MYOZ2: variants seen among roughly 807,000 people sequenced by gnomAD.
The protein encoded by MYOZ2 is myozenin-2.
MYOZ2 carries 19 observed loss-of-function variants against 25.4 expected under a neutral mutation model. That is an observed-to-expected ratio of 0.75 (90% confidence interval 0.52 to 1.10). MYOZ2 has a LOEUF of 1.10. MYOZ2 is among the 50% of genes least tolerant of loss of function. The pLI is 0.00. For missense variants in MYOZ2, 270 were observed against 317.9 expected, an observed-to-expected ratio of 0.85 and a Z score of 1.15; for synonymous variants, 92 against 106.9, an observed-to-expected ratio of 0.86 and a Z score of 0.86.
rs11559058 is a variant in MYOZ2 at position 119,135,910 on chromosome 4, A to G, written c.-87A>G. On this transcript the variant is annotated 5_prime_UTR_variant, in exon 1 of 6. Transcript: ENST00000307128. ...AAACCATCAGGCCCAAGTGCCATCC[A>G]TAGTCCATCTCCAGAGTCTTCCTCC... 1,524 of 160,594 alleles carry G rather than the reference A, an allele frequency of 9.5e-3. 12 individuals are homozygous for G. The highest frequency in any genetic ancestry group is 0.031 in the South Asian group (168 of 5,490). The allele number at this position is 160,594 out of a possible 1,614,324, so 9.9% of individuals were successfully genotyped here.
At chr4:119,150,095 T>C (rs1741412704) in intron 2 of MYOZ2, among the ~76,000 whole-genome samples, 1 of 152,178 alleles carries the variant, frequency 6.6e-6, no homozygotes, top group South Asian at 2.1e-4. Flanking sequence ...TGTATCTCTT[T>C]TGGATTTTGG....
intron 3 of MYOZ2, among the ~76,000 whole-genome samples, chr4:119,151,844 A>T (rs193190461): frequency 6.6e-6 from 1 of 152,156 alleles, no homozygotes; most frequent in Admixed American, 6.5e-5. Context: ...TCCTAGAGCT[A>T]TGAAAGATTT....
At chr4:119,151,453 A>T (rs1185212403) in intron 3 of MYOZ2, among the ~76,000 whole-genome samples, 1 of 152,166 alleles carries the variant, frequency 6.6e-6, no homozygotes, top group Non-Finnish European at 1.5e-5. Flanking sequence ...TGGAACTGAA[A>T]CATGCCTGGG....
chr4:119,148,072 G>A (rs913058540), intron 2 of MYOZ2, among the ~76,000 whole-genome samples: 5 of 152,128 alleles, frequency 3.3e-5, no homozygotes, highest in Non-Finnish European at 5.9e-5. Flanking sequence ...ATCTGAGGAT[G>A]TCTCAAGTTC....
At chr4:119,137,010 T>A (rs1741044112) in intron 2 of MYOZ2, among the ~76,000 whole-genome samples, 1 of 152,132 alleles carries the variant, frequency 6.6e-6, no homozygotes, top group Non-Finnish European at 1.5e-5. Context: ...CAAAATAAGT[T>A]CTATCATCTT....
chr4:119,159,465 G>C (rs985854982), intron 4 of MYOZ2, among the ~76,000 whole-genome samples: 1 of 152,044 alleles, frequency 6.6e-6, no homozygotes, highest in Non-Finnish European at 1.5e-5. Context: ...TCAGTTTATA[G>C]TCTTTATAAA....
intron 5 of MYOZ2, among the ~76,000 whole-genome samples, chr4:119,168,548 T>A (rs778279857): frequency 1.3e-5 from 2 of 152,082 alleles, no homozygotes; most frequent in African/African-American, 2.4e-5. Flanking sequence ...CCAACTCTCA[T>A]GGTTAACTTT....
intron 2 of MYOZ2, among the ~76,000 whole-genome samples, chr4:119,148,769 C>CAA (rs372182068): frequency 0.019 from 1,499 of 77,290 alleles, 58 homozygotes; most frequent in African/African-American, 0.067. Context: ...GAGTCATTGG[C>CAA]AAAAAAAAAA....
intron 5 of MYOZ2, among the ~76,000 whole-genome samples, chr4:119,171,875 A>G (rs1429163033): frequency 6.6e-6 from 1 of 151,976 alleles, no homozygotes; most frequent in Admixed American, 6.6e-5. Context: ...AGAGACAAAG[A>G]GAAAGAAGCA....
In MYOZ2 at chr4:119,160,524, A is replaced by G. The variant is rs181655577; in HGVS notation, c.376+2373A>G. 2.0e-5 allele frequency among the ~76,000 whole-genome samples: 3 copies of G among 152,292 alleles called. No homozygotes were observed. The East Asian group carries it at 5.8e-4, about 29-fold the overall frequency. ...TAGAGCAGATGTCCAAAGAATATCT[A>G]TATTTTCACTTTCTGTGTATATAAT... On this transcript the variant is annotated intron_variant, in intron 4 of 5. Transcript: ENST00000307128.
At chr4:119,180,552 C>T (rs1742166029) in intron 5 of MYOZ2, among the ~76,000 whole-genome samples, 1 of 152,102 alleles carries the variant, frequency 6.6e-6, no homozygotes, top group African/African-American at 2.4e-5. Context: ...ATTTAATTTT[C>T]ATGATCACAT....
chr4:119,166,203 T>C (rs4834759), intron 5 of MYOZ2, among the ~76,000 whole-genome samples: 136,822 of 152,200 alleles, frequency 0.9, 62,185 homozygotes, highest in East Asian at 0.97. Flanking sequence ...ATAACATTAA[T>C]GGATGAAACA....
intron 3 of MYOZ2, among the ~76,000 whole-genome samples, chr4:119,154,397 T>C (rs536802491): frequency 6.0e-4 from 92 of 152,282 alleles, no homozygotes; most frequent in African/African-American, 2.1e-3. Context: ...AATGCTATGA[T>C]GTAAAGCTTA....
At chr4:119,180,914 A>G (rs1742175340) in intron 5 of MYOZ2, among the ~76,000 whole-genome samples, 1 of 152,182 alleles carries the variant, frequency 6.6e-6, no homozygotes, top group Non-Finnish European at 1.5e-5. Context: ...ATATTATGCT[A>G]CTTGAGTTAT....
intron 4 of MYOZ2, among the ~76,000 whole-genome samples, chr4:119,163,825 C>T (rs1741760334): frequency 6.6e-6 from 1 of 152,132 alleles, no homozygotes; most frequent in South Asian, 2.1e-4. Flanking sequence ...CCTTAGACTA[C>T]AATAGGCACT....
chr4:119,156,914 A>G (rs1377708037), intron 3 of MYOZ2, among the ~76,000 whole-genome samples: 1 of 152,182 alleles, frequency 6.6e-6, no homozygotes, highest in Non-Finnish European at 1.5e-5. Context: ...AAAAATGGAG[A>G]TAAACTTTAT....
chr4:119,171,464 G>T (rs534260270), intron 5 of MYOZ2, among the ~76,000 whole-genome samples: 1 of 151,454 alleles, frequency 6.6e-6, no homozygotes, highest in South Asian at 2.1e-4. Context: ...TAGGTATCTG[G>T]GTCTTTATAA....
chr4:119,182,548 G>A (rs995403993), intron 5 of MYOZ2, among the ~76,000 whole-genome samples: 1 of 151,846 alleles, frequency 6.6e-6, no homozygotes, highest in African/African-American at 2.4e-5. Flanking sequence ...GGGTGTAGGG[G>A]TGGCAGGGTG....
chr4:119,150,869 CA>C lies in MYOZ2; in HGVS notation c.77-2del. The C allele has an allele frequency of 1.9e-6, 3 of 1,613,138 alleles. No homozygotes were observed. Among genetic ancestry groups the C allele is most frequent in the Non-Finnish European group, 2.5e-6 (3 of 1,179,196 alleles). On this transcript the variant is annotated splice_acceptor_variant, in intron 2 of 5. Transcript: ENST00000307128. LOFTEE classifies it high-confidence loss of function. ...TTTTACTCATATGAATATTGTTTTA[CA>C]GATGTTGATGGCATGGACCTGGGCA...
Sources: gnomAD v4.1 joint callset for allele counts (sites outside exome capture counted in the v4.1 genomes callset) on GRCh38, gnomAD v4.1.1 for gene constraint, MANE v1.5 for transcripts, NCBI Gene and HGNC (gene_info 2026-07-23, HGNC 2026-07-21) for gene names.